PSPH: variants seen among roughly 807,000 people sequenced by gnomAD.
PSPH encodes the protein L-3-phosphoserine phosphatase.
PSPH carries 16 observed loss-of-function variants against 23.4 expected under a neutral mutation model. That is an observed-to-expected ratio of 0.68 (90% CI 0.46 to 1.04). PSPH has a LOEUF of 1.04. PSPH is among the 50% of genes least tolerant of loss of function. PSPH has a pLI of 0.00. For missense variants in PSPH, 223 were observed against 273.7 expected (o/e 0.81, Z 1.31); for synonymous variants, 68 against 99.7 (o/e 0.68, Z 1.89).
chr7:56,040,671 G>T (rs1445312868), intron 1 of PSPH, among the ~76,000 whole-genome samples: 1 of 151,912 alleles, frequency 6.6e-6, no homozygotes, highest in Non-Finnish European at 1.5e-5. Context: ...GTGAGGGGGG[G>T]AATGAGGCAG....
Position 56,011,626 on chromosome 7 carries a change from C to A in PSPH, c.*136G>T. 11 of 558,058 alleles carry A rather than the reference C, an allele frequency of 2.0e-5. No individual in the cohort carries two copies. Among genetic ancestry groups the A allele is most frequent in the Non-Finnish European group, 2.3e-5 (7 of 308,972 alleles). 34.6% of individuals were successfully genotyped at this position (558,058 alleles called of 1,614,324 possible). A position where few individuals can be genotyped will look rare whatever the true frequency, so the allele number is the denominator to read the frequency against. On this transcript the variant is annotated 3_prime_UTR_variant, in exon 8 of 8. Coordinates refer to ENST00000275605, the MANE Select transcript of PSPH (RefSeq NM_004577.4). ...AAAAGCAATCTTCTAGGATTCCTAACTGTAGTTTAAAGTACAGATCATTTG... is the reference window on the plus strand; with the variant it reads ...AAAAGCAATCTTCTAGGATTCCTAAATGTAGTTTAAAGTACAGATCATTTG...
intron 7 of PSPH, 60 bp downstream of exon 7, chr7:56,014,963 T>C (rs996605628): frequency 2.1e-6 from 3 of 1,444,662 alleles, no homozygotes; most frequent in African/African-American, 2.9e-5. Context: ...AAAGAAATAA[T>C]AAATAAATAA....
intron 3 of PSPH, among the ~76,000 whole-genome samples, chr7:56,022,888 A>G (rs1253520848): frequency 6.6e-6 from 1 of 152,144 alleles, no homozygotes; most frequent in Non-Finnish European, 1.5e-5. Context: ...GCAAAACCCC[A>G]TCTCTACTAA....
intron 3 of PSPH, among the ~76,000 whole-genome samples, chr7:56,021,810 C>T (rs1458122186): frequency 1.3e-5 from 2 of 151,352 alleles, no homozygotes; most frequent in Admixed American, 1.3e-4. Flanking sequence ...ATTAGCCGGG[C>T]GTGGTGGCAG....
intron 3 of PSPH, among the ~76,000 whole-genome samples, chr7:56,026,215 C>T (rs554583428): frequency 6.6e-5 from 10 of 152,212 alleles, no homozygotes; most frequent in African/African-American, 1.9e-4. Context: ...GTGGCTCACA[C>T]TTGTAATCTC....
intron 1 of PSPH, among the ~76,000 whole-genome samples, chr7:56,041,151 C>A (rs374495629): frequency 6.6e-6 from 1 of 152,024 alleles, no homozygotes; most frequent in African/African-American, 2.4e-5. Context: ...ATTGCTTGAG[C>A]CCAGGAATGC....
At chr7:56,039,331 AG>A (rs1044382806) in intron 1 of PSPH, among the ~76,000 whole-genome samples, 1 of 152,160 alleles carries the variant, frequency 6.6e-6, no homozygotes, top group African/African-American at 2.4e-5. Flanking sequence ...AAAGTAAGAA[AG>A]GAAATGAGAT....
At chr7:56,038,145 T>C (rs935548515) in intron 1 of PSPH, among the ~76,000 whole-genome samples, 8 of 151,750 alleles carry the variant, frequency 5.3e-5, no homozygotes, top group East Asian at 3.9e-4. Flanking sequence ...TTCAGTAACA[T>C]TGAACACATG....
At chr7:56,033,055 G>A (rs1267582846) in intron 2 of PSPH, 1 of 152,078 alleles carries the variant, frequency 6.6e-6, no homozygotes, top group Non-Finnish European at 1.5e-5. Flanking sequence ...ACATGAAAGT[G>A]ACAGGGCTAT....
At chr7:56,027,911 A>C (rs1278597320) in intron 3 of PSPH, among the ~76,000 whole-genome samples, 1 of 149,578 alleles carries the variant, frequency 6.7e-6, no homozygotes, top group Non-Finnish European at 1.5e-5. Context: ...AAAAAAAAAA[A>C]AGTGGGGCAT....
At position 56,048,745 on chromosome 7, in the gene PSPH, C is replaced by T. The variant is rs117238499; in HGVS notation, c.-292+2393G>A. Among the ~76,000 whole-genome samples the T allele has an allele frequency of 1.7e-3, 254 of 151,578 alleles. 6 individuals carry two copies. The East Asian group carries it at 0.041, about 24-fold the overall frequency. On this transcript the variant is annotated intron_variant, in intron 1 of 7. Transcript: ENST00000275605. ...CGCCTCCTGGGTTCAAGCAATTCCA[C>T]CTCAGCCACACAAGTAGCTGGGATT... is the stretch of plus-strand genomic sequence containing the variant.
intron 3 of PSPH, among the ~76,000 whole-genome samples, chr7:56,029,809 G>A (rs1790696117): frequency 6.6e-6 from 1 of 151,994 alleles, no homozygotes; most frequent in Admixed American, 6.6e-5. Flanking sequence ...TGCTTTGGTA[G>A]TAGGGATAAA....
intron 6 of PSPH, among the ~76,000 whole-genome samples, chr7:56,016,793 T>C (rs1381728647): frequency 6.6e-6 from 1 of 151,954 alleles, no homozygotes; most frequent in Non-Finnish European, 1.5e-5. Context: ...GCCAGGCTGG[T>C]CTTGAACTCC....
chr7:56,042,716 G>T, intron 1 of PSPH, among the ~76,000 whole-genome samples: 1 of 151,420 alleles, frequency 6.6e-6, no homozygotes, highest in African/African-American at 2.4e-5. Flanking sequence ...GGGCATGGTG[G>T]CACATGCCTA....
In PSPH at chr7:56,040,068, C is replaced by T. The variant is rs554916616; in HGVS notation, c.-291-5962G>A. Reference sequence around the variant, plus strand: ...GAGCTGAGATCGTGCCACTGCACTCCAGCCTGGGTGACAGAGCAAGACTCC... The same window carrying T: ...GAGCTGAGATCGTGCCACTGCACTCTAGCCTGGGTGACAGAGCAAGACTCC... On this transcript the variant is annotated intron_variant, in intron 1 of 7. Coordinates refer to ENST00000275605, the MANE Select transcript of PSPH (RefSeq NM_004577.4). Among the ~76,000 whole-genome samples, 9 of 150,738 alleles carry T rather than the reference C, an allele frequency of 6.0e-5. No individual in the cohort carries two copies. In the South Asian group the frequency reaches 1.9e-3, roughly 32 times the overall value.
chr7:56,034,220 G>C (rs978761525), intron 1 of PSPH, 114 bp from the exon 2 acceptor site: 1 of 152,312 alleles, frequency 6.6e-6, no homozygotes, highest in Non-Finnish European at 1.5e-5. Context: ...CCCGCCCCAG[G>C]GGAGGGGCTC....
chr7:56,023,303 T>C (rs1486181144), intron 3 of PSPH, among the ~76,000 whole-genome samples: 3 of 151,940 alleles, frequency 2.0e-5, no homozygotes, highest in Admixed American at 1.3e-4. Flanking sequence ...CTGTCACCCA[T>C]GCTGGAGTGC....
intron 3 of PSPH, among the ~76,000 whole-genome samples, chr7:56,030,574 C>G (rs34477367): frequency 0.052 from 7,902 of 152,178 alleles, 278 homozygotes; most frequent in Middle Eastern, 0.078. Flanking sequence ...GGGAGCTAAA[C>G]TGGGTACATG....
intron 1 of PSPH, among the ~76,000 whole-genome samples, chr7:56,047,635 T>G (rs896144000): frequency 5.3e-5 from 8 of 151,928 alleles, no homozygotes; most frequent in Non-Finnish European, 1.0e-4. Context: ...ACACGTTAAT[T>G]TCTCTGGTGT....
Sources: allele counts gnomAD v4.1 joint callset (sites outside exome capture counted in the v4.1 genomes callset), GRCh38; gene constraint gnomAD v4.1.1; transcripts MANE v1.5; gene names NCBI Gene and HGNC (gene_info 2026-07-23, HGNC 2026-07-21).